PLXNC1: variants seen among roughly 807,000 people sequenced by gnomAD.
PLXNC1 encodes plexin-C1.
A neutral mutation model predicts 178.2 loss-of-function variants in PLXNC1; 75 were observed. The ratio of observed to expected loss-of-function variants is 0.42; its 90% confidence interval spans 0.35 to 0.51. PLXNC1 has a LOEUF of 0.51. PLXNC1 is among the 20% of genes least tolerant of loss of function. The pLI is 0.02. For synonymous variants in PLXNC1, 790 were observed against 779.9 expected, an observed-to-expected ratio of 1.01 and a Z score of -0.22; for missense variants, 1,503 against 1,984.4, an observed-to-expected ratio of 0.76 and a Z score of 4.61.
intron 27 of PLXNC1, among the ~76,000 whole-genome samples, chr12:94,299,083 G>T (rs1420434715): frequency 6.6e-6 from 1 of 152,158 alleles, no homozygotes; most frequent in Admixed American, 6.5e-5. Flanking sequence ...TAAAGAATGA[G>T]AAATTAACAT....
intron 15 of PLXNC1, among the ~76,000 whole-genome samples, chr12:94,251,994 AAAAC>A (rs955940191): frequency 9.2e-5 from 14 of 152,286 alleles, no homozygotes; most frequent in Non-Finnish European, 1.8e-4. Flanking sequence ...CTCCATCTCA[AAAAC>A]AAACAAACAA....
At chr12:94,187,192 G>GAGAGAA (rs5800150) in intron 4 of PLXNC1, among the ~76,000 whole-genome samples, 40 of 148,666 alleles carry the variant, frequency 2.7e-4, no homozygotes, top group African/African-American at 9.6e-4. Context: ...GAGAGAGAGA[G>GAGAGAA]AAAAAAAAAC....
intron 24 of PLXNC1, among the ~76,000 whole-genome samples, chr12:94,295,990 G>A (rs1002012796): frequency 5.3e-5 from 8 of 152,240 alleles, no homozygotes; most frequent in Non-Finnish European, 1.0e-4. Context: ...CTTGATGCTT[G>A]TAGGCTGACC....
At chr12:94,172,393 C>G (rs978867280) in intron 2 of PLXNC1, among the ~76,000 whole-genome samples, 5 of 152,198 alleles carry the variant, frequency 3.3e-5, no homozygotes, top group Non-Finnish European at 7.3e-5. Flanking sequence ...CAGTAAAAAC[C>G]TGACTTCTTA....
intron 22 of PLXNC1, chr12:94,280,073 G>A (rs987155916): frequency 3.0e-6 from 1 of 337,180 alleles, no homozygotes; most frequent in African/African-American, 2.2e-5. Flanking sequence ...TCAGACTCTG[G>A]GTGTTAACTC....
At chr12:94,280,722 A>G (rs1365047924) in intron 22 of PLXNC1, among the ~76,000 whole-genome samples, 2 of 152,190 alleles carry the variant, frequency 1.3e-5, no homozygotes, top group Non-Finnish European at 2.9e-5. Context: ...CCTTGCTCTG[A>G]GCATACATCT....
At chr12:94,227,601 T>TG (rs1963982484) in intron 9 of PLXNC1, 1 of 228,296 alleles carries the variant, frequency 4.4e-6, no homozygotes, top group East Asian at 1.1e-4. Flanking sequence ...TGTGTGTGGA[T>TG]GGGGGTCTGT....
intron 1 of PLXNC1, among the ~76,000 whole-genome samples, chr12:94,150,443 C>T (rs1960916073): frequency 6.6e-6 from 1 of 152,222 alleles, no homozygotes; most frequent in African/African-American, 2.4e-5. Context: ...GGGTCTGACC[C>T]TCTTGGTCAA....
In PLXNC1 at chr12:94,148,890, C is replaced by T; in HGVS notation, c.-82C>T. On this transcript the variant is annotated 5_prime_UTR_variant, in exon 1 of 31. Coordinates refer to ENST00000258526, the MANE Select transcript of PLXNC1 (RefSeq NM_005761.3). The surrounding 1 kb of genome is among the most constrained non-coding windows in gnomAD (Gnocchi z 4.8). Reference sequence around the variant, plus strand: ...CGAGCGCGCGCAGGAACCGCCGCCGCCGCCGCCCGCGTCTCCGTTGCCGCG... The same window carrying T: ...CGAGCGCGCGCAGGAACCGCCGCCGTCGCCGCCCGCGTCTCCGTTGCCGCG... 3.1e-6 allele frequency: 1 copy of T among 320,270 alleles called. No individual in the cohort carries two copies. The highest frequency in any genetic ancestry group is 4.5e-6 in the Non-Finnish European group (1 of 220,778). 19.8% of individuals were successfully genotyped at this position (320,270 alleles called of 1,614,324 possible).
At chr12:94,288,758 G>A (rs1366829114) in intron 23 of PLXNC1, among the ~76,000 whole-genome samples, 1 of 152,224 alleles carries the variant, frequency 6.6e-6, no homozygotes, top group East Asian at 1.9e-4. Context: ...GGGAGAAGAC[G>A]ATACTGACGG....
chr12:94,281,356 A>G (rs1166214692), intron 22 of PLXNC1, among the ~76,000 whole-genome samples: 3 of 152,160 alleles, frequency 2.0e-5, no homozygotes, highest in African/African-American at 2.4e-5. Context: ...TACAGCAGAG[A>G]CTCAAAAACG....
intron 21 of PLXNC1, among the ~76,000 whole-genome samples, chr12:94,276,578 C>T (rs143473319): frequency 4.8e-4 from 73 of 152,320 alleles, no homozygotes; most frequent in Middle Eastern, 3.4e-3. Flanking sequence ...CCTGGTTCTG[C>T]CACTGGTGAG....
intron 4 of PLXNC1, among the ~76,000 whole-genome samples, chr12:94,206,296 C>A (rs1282214307): frequency 6.7e-6 from 1 of 149,400 alleles, no homozygotes; most frequent in African/African-American, 2.5e-5. Flanking sequence ...AGGGAGGGGG[C>A]GGTTACATAC....
intron 15 of PLXNC1, among the ~76,000 whole-genome samples, chr12:94,252,012 AC>A: frequency 6.7e-6 from 1 of 148,324 alleles, no homozygotes; most frequent in Non-Finnish European, 1.5e-5. Context: ...CAAACAAAAA[AC>A]AAAATTTTTT....
chr12:94,273,219 ATTC>A (rs148630169), intron 21 of PLXNC1, among the ~76,000 whole-genome samples: 2,290 of 152,246 alleles, frequency 0.015, 25 homozygotes, highest in Middle Eastern at 0.044. Flanking sequence ...CTAGAACCAT[ATTC>A]TTTTCTTTAC....
chr12:94,297,975 T>C (rs1968097329), intron 26 of PLXNC1, among the ~76,000 whole-genome samples: 1 of 152,174 alleles, frequency 6.6e-6, no homozygotes, highest in Admixed American at 6.5e-5. Flanking sequence ...TGGTGATCTT[T>C]TTTTTCCTCC....
chr12:94,247,575 C>A (rs1964564084), intron 12 of PLXNC1, among the ~76,000 whole-genome samples: 2 of 152,218 alleles, frequency 1.3e-5, no homozygotes, highest in Admixed American at 1.3e-4. Flanking sequence ...CTACTGCTTT[C>A]AGCCTAGTCT....
chr12:94,197,432 C>CA, intron 4 of PLXNC1, among the ~76,000 whole-genome samples: 1 of 33,994 alleles, frequency 2.9e-5, no homozygotes, highest in Admixed American at 3.2e-4. Flanking sequence ...ATACATTAGG[C>CA]CCCTTTCTCT....
intron 21 of PLXNC1, among the ~76,000 whole-genome samples, chr12:94,277,586 C>T (rs1966071005): frequency 1.3e-5 from 2 of 152,146 alleles, no homozygotes; most frequent in South Asian, 4.1e-4. Context: ...AGAGGTCACC[C>T]AGCTGGCTTG....
Sources: allele counts gnomAD v4.1 joint callset (sites outside exome capture counted in the v4.1 genomes callset), GRCh38; gene constraint gnomAD v4.1.1; non-coding constraint Gnocchi (gnomAD v3.1); transcripts MANE v1.5; gene names NCBI Gene and HGNC (gene_info 2026-07-23, HGNC 2026-07-21).